The following AMD1 variants were observed in gnomAD, a reference collection of about 807,000 sequenced individuals.
The protein encoded by AMD1 is adenosylmethionine decarboxylase 1, also known as S-adenosylmethionine decarboxylase proenzyme.
AMD1 carries 11 observed loss-of-function variants against 40.2 expected under a neutral mutation model. The observed-to-expected ratio is 0.27, with a 90% CI of 0.17 to 0.45. The LOEUF is 0.45. Ranked by LOEUF, AMD1 falls within the 20% of genes least tolerant of loss-of-function variation. The probability of loss-of-function intolerance (pLI) is 1.00; values close to 1 mark genes in which losing one functional copy is unlikely to be tolerated. For missense variants in AMD1, 257 were observed against 410.2 expected (o/e 0.63, Z 3.23); for synonymous variants, 121 against 130.8 (o/e 0.93, Z 0.51).
the AMD1 span, among the ~76,000 whole-genome samples, chr6:110,845,868 T>C: frequency 6.6e-6 from 1 of 152,234 alleles, no homozygotes; most frequent in Non-Finnish European, 1.5e-5. Flanking sequence ...GTTCTGTCCC[T>C]ATAGAGAACC....
At chr6:110,859,418 C>A in the AMD1 span, among the ~76,000 whole-genome samples, 7 of 152,124 alleles carry the variant, frequency 4.6e-5, no homozygotes, top group Non-Finnish European at 8.8e-5. Flanking sequence ...GTGGGCCGAG[C>A]AGTGCTGGGG....
Position 110,893,876 on chromosome 6 carries a change from AAAC to A in AMD1, c.*261_*263del, listed in dbSNP as rs1583225594. 2.6e-6 allele frequency: 1 copy of A among 391,496 alleles called. No homozygotes were observed. The highest frequency in any genetic ancestry group is 4.7e-5 in the East Asian group (1 of 21,500). 24.3% of individuals were successfully genotyped at this position (391,496 alleles called of 1,614,324 possible). A position where few individuals can be genotyped will look rare whatever the true frequency, so the allele number is the denominator to read the frequency against. ...TGTGAAATTGAAGTGCATGTAGAAA[AAAC>A]CTTTTACTATATGAAACTTTACAAC... On this transcript the variant is annotated 3_prime_UTR_variant, in exon 9 of 9. Transcript: ENST00000368885.
Position 110,875,162 on chromosome 6 carries a change from C to T in AMD1, c.57C>T (p.Ser19=). ...GTEKLLEVWF[S]RQQPDANQGS... ...AGAAGCTGCTGGAGGTTTGGTTCTCCCGGCAGCAGCCCGACGCAAACCAAG... is the reference window on the plus strand; with the variant it reads ...AGAAGCTGCTGGAGGTTTGGTTCTCTCGGCAGCAGCCCGACGCAAACCAAG... The change falls in exon 1 of 9, where the codon TCC becomes TCT. Residue 19 remains serine, a synonymous_variant. Transcript: ENST00000368885. 1.2e-6 allele frequency: 2 copies of T among 1,613,256 alleles called. No homozygotes were observed. The highest frequency in any genetic ancestry group is 1.7e-6 in the Non-Finnish European group (2 of 1,179,714).
chr6:110,815,647 C>T, the AMD1 span: 1 of 152,988 alleles, frequency 6.5e-6, no homozygotes, highest in Non-Finnish European at 1.5e-5. Context: ...TCAGGTAGCG[C>T]ACGGCTCCCG....
chr6:110,830,277 G>C, the AMD1 span, among the ~76,000 whole-genome samples: 4 of 152,066 alleles, frequency 2.6e-5, no homozygotes, highest in Non-Finnish European at 5.9e-5. Context: ...GCCTCCCAAA[G>C]TGCTGGGATT....
chr6:110,840,353 C>T, the AMD1 span, among the ~76,000 whole-genome samples: 2 of 151,758 alleles, frequency 1.3e-5, no homozygotes, highest in Non-Finnish European at 2.9e-5. Context: ...ACCACCACCC[C>T]CTTCACAAAC....
chr6:110,875,014 G>T lies in AMD1; in HGVS notation c.-92G>T. On this transcript the variant is annotated 5_prime_UTR_variant, in exon 1 of 9. Coordinates refer to ENST00000368885, the MANE Select transcript of AMD1 (RefSeq NM_001634.6). ...AACCTGAACTTTAGTAACACAGCTG[G>T]AACAATCCGCAGCGGCGGCGGCAGC... 1.0e-6 allele frequency: 1 copy of T among 983,722 alleles called. No individual in the cohort carries two copies. The highest frequency in any genetic ancestry group is 1.4e-5 in the South Asian group (1 of 72,570). 60.9% of individuals were successfully genotyped at this position (983,722 alleles called of 1,614,324 possible). A position where few individuals can be genotyped will look rare whatever the true frequency, so the allele number is the denominator to read the frequency against.
At chr6:110,816,499 A>G in the AMD1 span, among the ~76,000 whole-genome samples, 5,284 of 152,304 alleles carry the variant, frequency 0.035, 129 homozygotes, top group Non-Finnish European at 0.056. Context: ...ATTAAGATCC[A>G]GCCAACACAG....
the AMD1 span, among the ~76,000 whole-genome samples, chr6:110,848,056 A>C: frequency 1.3e-5 from 2 of 151,960 alleles, no homozygotes; most frequent in East Asian, 3.9e-4. Context: ...TTTTTGATTA[A>C]CTGGGTACTA....
At chr6:110,820,212 G>A in the AMD1 span, among the ~76,000 whole-genome samples, 6 of 151,110 alleles carry the variant, frequency 4.0e-5, no homozygotes, top group Admixed American at 3.3e-4. Flanking sequence ...CTCTATGGAC[G>A]CACCCCAAAT....
chr6:110,833,938 G>A, the AMD1 span, among the ~76,000 whole-genome samples: 1 of 152,174 alleles, frequency 6.6e-6, no homozygotes, highest in African/African-American at 2.4e-5. Flanking sequence ...ATAGTTATCA[G>A]TATTTCGTGT....
In AMD1 at chr6:110,892,966, T is replaced by A; in HGVS notation, c.765T>A (p.Phe255Leu). ...AACCAGAATTTTCTTATGTTAGCTTTGAAACAAACTTAAGTCAGACCTCCT... is the reference window on the plus strand; with the variant it reads ...AACCAGAATTTTCTTATGTTAGCTTAGAAACAAACTTAAGTCAGACCTCCT... ...TPEPEFSYVSFETNLSQTSYD... is the reference protein window; with the variant it reads ...TPEPEFSYVSLETNLSQTSYD... Residue 255 changes from phenylalanine (F) to leucine (L), a missense_variant, in exon 8 of 9, where the codon TTT becomes TTA. Phe to Leu is a conservative substitution (Grantham distance 22). Around this residue, in one of 3 missense-constraint regions of AMD1, gnomAD observed 192 missense variants for 296.5 expected, o/e 0.65. Coordinates refer to ENST00000368885, the MANE Select transcript of AMD1 (RefSeq NM_001634.6). 1 of 1,614,026 alleles carries A rather than the reference T, an allele frequency of 6.2e-7. No homozygotes were observed. Among genetic ancestry groups the A allele is most frequent in the East Asian group, 2.2e-5 (1 of 44,874 alleles).
At chr6:110,878,206 C>T (rs1337181489) in intron 1 of AMD1, among the ~76,000 whole-genome samples, 1 of 152,088 alleles carries the variant, frequency 6.6e-6, no homozygotes, top group Non-Finnish European at 1.5e-5. Context: ...TTTTCTCATC[C>T]CAAAGTCTGA....
the AMD1 span, among the ~76,000 whole-genome samples, chr6:110,838,470 A>G: frequency 1.3e-5 from 2 of 152,180 alleles, no homozygotes; most frequent in South Asian, 4.1e-4. Context: ...GCAATGAAAG[A>G]AGAAGAAAAC....
chr6:110,838,098 A>C, the AMD1 span, among the ~76,000 whole-genome samples: 1 of 150,650 alleles, frequency 6.6e-6, no homozygotes, highest in Admixed American at 6.6e-5. Context: ...TGATACATGA[A>C]AGTTTTCTGG....
chr6:110,885,685 C>G (rs1352484096), intron 1 of AMD1, among the ~76,000 whole-genome samples: 2 of 152,162 alleles, frequency 1.3e-5, no homozygotes, highest in East Asian at 1.9e-4. Flanking sequence ...TTTAAAGAAC[C>G]TTAAAACTTT....
the AMD1 span, among the ~76,000 whole-genome samples, chr6:110,836,012 C>CAAA: frequency 0.02 from 1,204 of 60,614 alleles, 43 homozygotes; most frequent in African/African-American, 0.041. Flanking sequence ...GACCTTGACT[C>CAAA]AAAAAAAAAA....
At chr6:110,814,793 G>A in the AMD1 span, 5 of 684,318 alleles carry the variant, frequency 7.3e-6, no homozygotes, top group East Asian at 3.0e-5. Context: ...GCCTCGGACC[G>A]GGCTGCGCCG....
In AMD1 at chr6:110,893,666, G is replaced by T; in HGVS notation, c.*50G>T. On this transcript the variant is annotated 3_prime_UTR_variant, in exon 9 of 9. Coordinates refer to ENST00000368885, the MANE Select transcript of AMD1 (RefSeq NM_001634.6). Reference sequence around the variant, plus strand: ...AAAAAGAGAACACATGTAGAAGGTGGTGGATGCTTTCTAGATGTCGATGCT... The same window carrying T: ...AAAAAGAGAACACATGTAGAAGGTGTTGGATGCTTTCTAGATGTCGATGCT... The T allele has an allele frequency of 6.3e-7, 1 of 1,591,522 alleles. No homozygotes were observed. Among genetic ancestry groups the T allele is most frequent in the Non-Finnish European group, 8.5e-7 (1 of 1,171,938 alleles).
Sources: gnomAD v4.1 joint callset for allele counts (sites outside exome capture counted in the v4.1 genomes callset) on GRCh38, gnomAD v4.1.1 for gene constraint, gnomAD v4.1.1 regional missense constraint, MANE v1.5 for transcripts, NCBI Gene and HGNC (gene_info 2026-07-23, HGNC 2026-07-21) for gene names.